The following SLC5A8 variants were observed in gnomAD, a reference collection of about 807,000 sequenced individuals.
SLC5A8 encodes sodium-coupled monocarboxylate transporter 1.
A neutral mutation model predicts 71.9 loss-of-function variants in SLC5A8; 55 were observed. The observed-to-expected ratio is 0.77, with a 90% CI of 0.62 to 0.96. The LOEUF (loss-of-function observed/expected upper bound fraction) is 0.96. Among genes scored for constraint, SLC5A8 ranks in the 40% least tolerant of loss-of-function variants. The pLI is 0.00. For missense variants in SLC5A8, 701 were observed against 745.3 expected (o/e 0.94, Z 0.69); for synonymous variants, 307 against 276.1 (o/e 1.11, Z -1.11).
intron 3 of SLC5A8, among the ~76,000 whole-genome samples, chr12:101,201,731 T>C (rs888453257): frequency 6.6e-6 from 1 of 152,218 alleles, no homozygotes; most frequent in Admixed American, 6.5e-5. Flanking sequence ...TCTTTCATTT[T>C]GGGCCTTATT....
chr12:101,178,742 G>A (rs2051904349), intron 10 of SLC5A8, among the ~76,000 whole-genome samples: 1 of 151,842 alleles, frequency 6.6e-6, no homozygotes, highest in South Asian at 2.1e-4. Flanking sequence ...CAAAAGCTGG[G>A]GCTAGGTAAA....
intron 13 of SLC5A8, among the ~76,000 whole-genome samples, chr12:101,161,018 T>C (rs910345410): frequency 2.6e-5 from 4 of 152,190 alleles, no homozygotes; most frequent in Non-Finnish European, 5.9e-5. Flanking sequence ...AAGGCAGTCA[T>C]TGTGAAAATG....
intron 12 of SLC5A8, among the ~76,000 whole-genome samples, chr12:101,164,546 G>A (rs2051751452): frequency 6.6e-6 from 1 of 152,164 alleles, no homozygotes; most frequent in African/African-American, 2.4e-5. Flanking sequence ...CCAGCCCTAT[G>A]GAACTAGGAT....
intron 2 of SLC5A8, among the ~76,000 whole-genome samples, chr12:101,203,369 A>G (rs1216715920): frequency 6.6e-6 from 1 of 152,092 alleles, no homozygotes; most frequent in Admixed American, 6.5e-5. Context: ...TTTTTTTGAA[A>G]CAGAGTCTTG....
At chr12:101,179,907 C>A in intron 10 of SLC5A8, 122 bp downstream of exon 10, 1 of 980,686 alleles carries the variant, frequency 1.0e-6, no homozygotes, top group Non-Finnish European at 1.6e-6. Flanking sequence ...GTGTAGTCAT[C>A]CCTGCCACTT....
chr12:101,158,336 A>C lies in SLC5A8; in HGVS notation c.1631-8T>G. The C allele has an allele frequency of 6.4e-7, 1 of 1,560,872 alleles. No individual in the cohort carries two copies. On this transcript the variant is annotated splice_polypyrimidine_tract_variant and splice_region_variant and intron_variant, in intron 13 of 14. Coordinates refer to ENST00000536262, the MANE Select transcript of SLC5A8 (RefSeq NM_145913.5). Reference sequence around the variant, plus strand: ...AGTTCTGTTTTCTTCCTCCTGGAAAAAAAAATGTACATGACTTACGTTGTT... The same window carrying C: ...AGTTCTGTTTTCTTCCTCCTGGAAACAAAAATGTACATGACTTACGTTGTT...
intron 2 of SLC5A8, among the ~76,000 whole-genome samples, chr12:101,203,188 C>G (rs933540065): frequency 2.0e-5 from 3 of 152,230 alleles, no homozygotes; most frequent in African/African-American, 7.2e-5. Flanking sequence ...CTACCAGGCT[C>G]AAGTCTCTAA....
intron 3 of SLC5A8, among the ~76,000 whole-genome samples, chr12:101,195,489 G>C (rs1433883427): frequency 6.6e-6 from 1 of 152,060 alleles, no homozygotes; most frequent in Non-Finnish European, 1.5e-5. Context: ...ATTAGACGCG[G>C]TTCAAATAAA....
chr12:101,180,060 G>T lies in SLC5A8; in HGVS notation c.1202C>A (p.Ala401Glu), dbSNP rs200408412. 2 of 1,613,976 alleles carry T rather than the reference G, an allele frequency of 1.2e-6. No homozygotes were observed. The highest frequency in any genetic ancestry group is 2.2e-5 in the East Asian group (1 of 44,866). ...CAAAGCTCCCATAAGTGACGCCAGC[G>T]CAGCCATTCCAATACACAGGGCTCC... ...VYGALCIGMA[A>E]LASLMGALLQ... Residue 401 changes from alanine (A) to glutamate (E), a missense_variant, in exon 10 of 15, where the codon GCG becomes GAG. Ala to Glu is a moderately radical substitution (Grantham distance 107). Transcript: ENST00000536262.
chr12:101,187,910 C>G (rs971882001), intron 6 of SLC5A8, among the ~76,000 whole-genome samples: 1 of 152,204 alleles, frequency 6.6e-6, no homozygotes, highest in African/African-American at 2.4e-5. Flanking sequence ...TTGTAAACTG[C>G]TAAACATTGT....
chr12:101,179,899 G>A, intron 10 of SLC5A8, 130 bp downstream of exon 10: 1 of 892,352 alleles, frequency 1.1e-6, no homozygotes, highest in Non-Finnish European at 1.8e-6. Context: ...ATTAAAAAGT[G>A]TAGTCATCCC....
chr12:101,161,112 C>G (rs1449957847), intron 13 of SLC5A8, among the ~76,000 whole-genome samples: 1 of 152,120 alleles, frequency 6.6e-6, no homozygotes, highest in Non-Finnish European at 1.5e-5. Flanking sequence ...GACATCCTCT[C>G]AGAAAAAAGA....
intron 10 of SLC5A8, 131 bp from the exon 11 acceptor site, chr12:101,168,313 G>T: frequency 1.2e-6 from 1 of 810,580 alleles, no homozygotes; most frequent in Non-Finnish European, 1.9e-6. Flanking sequence ...AGTCATGATA[G>T]CCTTATCACT....
At chr12:101,204,474 G>A (rs1384190549) in intron 2 of SLC5A8, 26 bp downstream of exon 2, 2 of 1,570,052 alleles carry the variant, frequency 1.3e-6, no homozygotes, top group Non-Finnish European at 1.7e-6. Context: ...GCTGACAAAA[G>A]ATAAAATAAA....
At chr12:101,163,093 C>T (rs138430212) in intron 12 of SLC5A8, among the ~76,000 whole-genome samples, 42 of 152,216 alleles carry the variant, frequency 2.8e-4, no homozygotes, top group African/African-American at 9.9e-4. Context: ...CACCAGCTGA[C>T]TGAGGCACAG....
In SLC5A8 at chr12:101,162,790, C is replaced by T. The variant is rs572122917; in HGVS notation, c.1527-713G>A. Among the ~76,000 whole-genome samples the T allele has an allele frequency of 6.8e-4, 103 of 152,092 alleles. 1 individual carries two copies. Among genetic ancestry groups the T allele is most frequent in the Middle Eastern group, 6.8e-3 (2 of 294 alleles). On this transcript the variant is annotated intron_variant, in intron 12 of 14. Coordinates refer to ENST00000536262, the MANE Select transcript of SLC5A8 (RefSeq NM_145913.5). ...AGTTTACCCAAGTAAGAAACCTGCA[C>T]AGGTATCTAAAATAAAAGTTGAAAT...
At chr12:101,205,068 A>G (rs1027863520) in intron 1 of SLC5A8, among the ~76,000 whole-genome samples, 6 of 152,214 alleles carry the variant, frequency 3.9e-5, no homozygotes, top group South Asian at 2.1e-4. Flanking sequence ...GTGATGGAAT[A>G]GTCAGCCAAT....
intron 12 of SLC5A8, among the ~76,000 whole-genome samples, chr12:101,164,212 C>T (rs2051748271): frequency 6.6e-6 from 1 of 152,134 alleles, no homozygotes; most frequent in African/African-American, 2.4e-5. Context: ...ATTTTCAAAA[C>T]ATATCTCATA....
chr12:101,172,180 A>G (rs965402724), intron 10 of SLC5A8, among the ~76,000 whole-genome samples: 1 of 151,212 alleles, frequency 6.6e-6, no homozygotes, highest in African/African-American at 2.4e-5. Flanking sequence ...AAGTGTCTCT[A>G]GGAGGCACTG....
Sources: allele counts gnomAD v4.1 joint callset (sites outside exome capture counted in the v4.1 genomes callset), GRCh38; gene constraint gnomAD v4.1.1; transcripts MANE v1.5; gene names NCBI Gene and HGNC (gene_info 2026-07-23, HGNC 2026-07-21).